PPARA: variants seen among roughly 807,000 people sequenced by gnomAD.
PPARA encodes the protein peroxisome proliferator activated receptor alpha.
Under a neutral mutation model 42.2 loss-of-function variants are expected in PPARA, and 22 were observed. That is an observed-to-expected ratio of 0.52 (90% CI 0.37 to 0.74). PPARA has a LOEUF of 0.74. PPARA is among the 30% of genes least tolerant of loss of function. The pLI, the probability that PPARA is intolerant of heterozygous loss-of-function variation, is 0.00. For synonymous variants in PPARA, 242 were observed against 239.3 expected (o/e 1.01, Z -0.10); for missense variants, 465 against 608.2 (o/e 0.76, Z 2.48).
At chr22:46,209,179 C>G (rs892682272) in intron 4 of PPARA, among the ~76,000 whole-genome samples, 15 of 152,196 alleles carry the variant, frequency 9.9e-5, no homozygotes, top group African/African-American at 3.1e-4. Flanking sequence ...ATACTACCAA[C>G]AGTGGACATG....
In PPARA at chr22:46,163,524, AGGCTCCT is replaced by A. The variant is rs1202553770; in HGVS notation, c.-127+11559_-127+11565del. On this transcript the variant is annotated intron_variant, in intron 2 of 8. Coordinates refer to ENST00000407236, the MANE Select transcript of PPARA (RefSeq NM_005036.6). The surrounding 1 kb of genome is among the most constrained non-coding windows in gnomAD (Gnocchi z 4.9). ...CCACAGTCACATAAGCGGGAAGAGC[AGGCTCCT>A]GGCTGTGGCGAGCTTGACTCCATTT... 3 of 152,256 alleles carry A rather than the reference AGGCTCCT, an allele frequency of 2.0e-5. No individual in the cohort carries two copies. The highest frequency in any genetic ancestry group is 6.5e-5 in the Admixed American group (1 of 15,278). 9.4% of individuals were successfully genotyped at this position (152,256 alleles called of 1,614,324 possible).
At chr22:46,177,063 T>C (rs945362739) in intron 3 of PPARA, among the ~76,000 whole-genome samples, 13 of 152,018 alleles carry the variant, frequency 8.6e-5, no homozygotes, top group African/African-American at 2.9e-4. Context: ...ACAAAAAAAT[T>C]AGCCGGGCAT....
chr22:46,195,059 C>T lies in PPARA; in HGVS notation c.-42-3283C>T, dbSNP rs974262068. Among the ~76,000 whole-genome samples, 2 of 150,688 alleles carry T rather than the reference C, an allele frequency of 1.3e-5. No homozygotes were observed. Among genetic ancestry groups the T allele is most frequent in the East Asian group, 2.0e-4 (1 of 5,092 alleles). On this transcript the variant is annotated intron_variant, in intron 3 of 8. Transcript: ENST00000407236. The surrounding 1 kb of genome is among the most constrained non-coding windows in gnomAD (Gnocchi z 4.6). ...CTGGGATTACAGGCGCCTACCACCA[C>T]GCCCGGCTAATTTTTGTATTTTTAG... is the stretch of plus-strand genomic sequence containing the variant.
chr22:46,215,211 T>A lies in PPARA; in HGVS notation c.247T>A (p.Tyr83Asn). ...AGCTTCGAGCCCCTCCTCGGTGACTTATCCTGTGGTCCCCGGCAGCGTGGA... is the reference window on the plus strand; with the variant it reads ...AGCTTCGAGCCCCTCCTCGGTGACTAATCCTGTGGTCCCCGGCAGCGTGGA... ...SPASSPSSVT[Y>N]PVVPGSVDES... Residue 83 changes from tyrosine to asparagine, a missense_variant, in exon 5 of 9, where the codon TAT (tyrosine) becomes AAT (asparagine). Transcript: ENST00000407236. 6.2e-7 allele frequency: 1 copy of A among 1,614,112 alleles called. No homozygotes were observed. Among genetic ancestry groups the A allele is most frequent in the Non-Finnish European group, 8.5e-7 (1 of 1,180,026 alleles).
At chr22:46,215,106 T>C (rs1934349552) in intron 4 of PPARA, 67 bp from the exon 5 acceptor site, 14 of 1,576,956 alleles carry the variant, frequency 8.9e-6, no homozygotes, top group South Asian at 6.7e-5. Context: ...CACATCCTCA[T>C]AGACCCGGTT....
At position 46,234,486 on chromosome 22, in the gene PPARA, A is replaced by G. The variant is rs1228328281; in HGVS notation, c.1160-647A>G. Among the ~76,000 whole-genome samples the G allele has an allele frequency of 1.3e-5, 2 of 152,046 alleles. No homozygotes were observed. The highest frequency in any genetic ancestry group is 2.9e-5 in the Non-Finnish European group (2 of 67,994). On this transcript the variant is annotated intron_variant, in intron 8 of 8. Transcript: ENST00000407236. This position sits in a 1 kb window ranked among gnomAD's most constrained non-coding sequence, Gnocchi z 5.8. The stretch of plus-strand genomic sequence containing the variant: ...ATGTCTAGTGCCAGCTACCCCAGGC[A>G]GGTCATCTGGTGTGAATGTTGACTC...
Position 46,232,262 on chromosome 22 carries a change from T to C in PPARA, c.1159+23T>C. 6.2e-7 allele frequency: 1 copy of C among 1,610,254 alleles called. No homozygotes were observed. Among genetic ancestry groups the C allele is most frequent in the East Asian group, 2.2e-5 (1 of 44,854 alleles). ...GAGGTGAGTGGTTGATTTAATCTGC[T>C]GGTATCATGTCACTGACAGGCTCCT... is the stretch of plus-strand genomic sequence containing the variant. On this transcript the variant is annotated intron_variant, in intron 8 of 8. Transcript: ENST00000407236. This position sits in a 1 kb window ranked among gnomAD's most constrained non-coding sequence, Gnocchi z 5.3.
Position 46,227,156 on chromosome 22 carries a change from T to TTTTTTTTTTTTTTTTTTGAGACGGA in PPARA, c.712-4636_712-4635insTTTTTTTTTTTTTTTTTGAGACGGA, listed in dbSNP as rs1555959744. On this transcript the variant is annotated intron_variant, in intron 7 of 8. Coordinates refer to ENST00000407236, the MANE Select transcript of PPARA (RefSeq NM_005036.6). This position sits in a 1 kb window ranked among gnomAD's most constrained non-coding sequence, Gnocchi z 4.3. ...ATTAAAAAATGTGCTTCATATTTTATGCCATTTCTACAAATGTATAGTAAA... is the reference window on the plus strand; with the variant it reads ...ATTAAAAAATGTGCTTCATATTTTATTTTTTTTTTTTTTTTTTGAGACGGAGCCATTTCTACAAATGTATAGTAAA... Among the ~76,000 whole-genome samples, 1 of 147,954 alleles carries TTTTTTTTTTTTTTTTTTGAGACGGA rather than the reference T, an allele frequency of 6.8e-6. No homozygotes were observed. The highest frequency in any genetic ancestry group is 2.6e-5 in the African/African-American group (1 of 39,006).
chr22:46,178,435 A>C (rs1003513148), intron 3 of PPARA, among the ~76,000 whole-genome samples: 13 of 152,214 alleles, frequency 8.5e-5, no homozygotes, highest in African/African-American at 2.9e-4. Flanking sequence ...TTGTAAGACA[A>C]GGTGAGAGGT....
chr22:46,191,942 G>A lies in PPARA; in HGVS notation c.-42-6400G>A, dbSNP rs185127253. The stretch of plus-strand genomic sequence containing the variant: ...TAGCCGGGCGTGGTGGCGCACGCCC[G>A]TAGTCCCAGCTACTCAGGAGGCTGA... On this transcript the variant is annotated intron_variant, in intron 3 of 8. Coordinates refer to ENST00000407236, the MANE Select transcript of PPARA (RefSeq NM_005036.6). The surrounding 1 kb of genome is among the most constrained non-coding windows in gnomAD (Gnocchi z 4.6). Among the ~76,000 whole-genome samples the A allele has an allele frequency of 9.8e-5, 15 of 152,308 alleles. No individual in the cohort carries two copies. The highest frequency in any genetic ancestry group is 7.7e-4 in the East Asian group (4 of 5,180).
In PPARA at chr22:46,231,850, A is replaced by C. The variant is rs571930753; in HGVS notation, c.770A>C (p.Lys257Thr). The change falls in exon 8 of 9, where the codon AAG (lysine) becomes ACG (threonine). Residue 257 changes from lysine (K) to threonine (T), a missense_variant. This residue lies in a region of PPARA where 313 missense variants were observed against 469.1 expected (regional missense o/e 0.67). Coordinates refer to ENST00000407236, the MANE Select transcript of PPARA (RefSeq NM_005036.6). The surrounding 1 kb of genome is among the most constrained non-coding windows in gnomAD (Gnocchi z 7.7). ...ATGGCTGAGAAGACGCTGGTGGCCA[A>C]GCTGGTGGCCAATGGCATCCAGAAC... ...LCMAEKTLVA[K>T]LVANGIQNKE... 50 of 1,614,092 alleles carry C rather than the reference A, an allele frequency of 3.1e-5. No homozygotes were observed. The South Asian group carries it at 5.2e-4, about 17-fold the overall frequency.
In PPARA at chr22:46,188,039, G is replaced by A. The variant is rs186244387; in HGVS notation, c.-42-10303G>A. Among the ~76,000 whole-genome samples the A allele has an allele frequency of 6.6e-5, 10 of 152,280 alleles. No individual in the cohort carries two copies. The highest frequency in any genetic ancestry group is 2.4e-4 in the African/African-American group (10 of 41,558). On this transcript the variant is annotated intron_variant, in intron 3 of 8. Transcript: ENST00000407236. This position sits in a 1 kb window ranked among gnomAD's most constrained non-coding sequence, Gnocchi z 5.0. The stretch of plus-strand genomic sequence containing the variant: ...GACTTCATGGTGAGAAATACCTAGC[G>A]AACAGCCTGGCACCAGCTACCAGGC...
chr22:46,191,806 G>A lies in PPARA; in HGVS notation c.-42-6536G>A, dbSNP rs1026369724. On this transcript the variant is annotated intron_variant, in intron 3 of 8. Transcript: ENST00000407236. This position sits in a 1 kb window ranked among gnomAD's most constrained non-coding sequence, Gnocchi z 4.6. ...ATTGAGGCCAGGCGCGGTGGCTCAT[G>A]CCTGTAATCCCAGCACTTTGGGAGG... 2.0e-5 allele frequency among the ~76,000 whole-genome samples: 3 copies of A among 152,216 alleles called. No individual in the cohort carries two copies. Among genetic ancestry groups the A allele is most frequent in the Admixed American group, 2.0e-4 (3 of 15,280 alleles).
In PPARA at chr22:46,233,387, C is replaced by T. The variant is rs551254082; in HGVS notation, c.1159+1148C>T. Among the ~76,000 whole-genome samples the T allele has an allele frequency of 2.4e-4, 36 of 152,252 alleles. No individual in the cohort carries two copies. The highest frequency in any genetic ancestry group is 8.4e-4 in the African/African-American group (35 of 41,522). On this transcript the variant is annotated intron_variant, in intron 8 of 8. Coordinates refer to ENST00000407236, the MANE Select transcript of PPARA (RefSeq NM_005036.6). The surrounding 1 kb of genome is among the most constrained non-coding windows in gnomAD (Gnocchi z 7.3). ...AGCCCCATCTCAGGTCTAGGAAGGT[C>T]ATCCACCTACTGCAAACTCGGCTGA...
chr22:46,240,282 A>C lies in PPARA; in HGVS notation c.*4902A>C, dbSNP rs1936337808. 1 of 398,684 alleles carries C rather than the reference A, an allele frequency of 2.5e-6. No homozygotes were observed. Among genetic ancestry groups the C allele is most frequent in the African/African-American group, 2.1e-5 (1 of 48,750 alleles). 24.7% of individuals were successfully genotyped at this position (398,684 alleles called of 1,614,324 possible). On this transcript the variant is annotated 3_prime_UTR_variant, in exon 9 of 9. Coordinates refer to ENST00000407236, the MANE Select transcript of PPARA (RefSeq NM_005036.6). This position sits in a 1 kb window ranked among gnomAD's most constrained non-coding sequence, Gnocchi z 6.0. ...GCAAATCAGCCTCCATTTTAAAATG[A>C]AAACACCAGCCTCCAGATGTAGGGC...
chr22:46,220,068 A>G (rs759524565), intron 7 of PPARA, 54 bp downstream of exon 7: 142 of 1,578,396 alleles, frequency 9.0e-5, no homozygotes, highest in Non-Finnish European at 1.2e-4. Flanking sequence ...CCAGTGTCGT[A>G]GAGGACGATT....
At position 46,187,129 on chromosome 22, in the gene PPARA, C is replaced by T. The variant is rs904657699; in HGVS notation, c.-43+10293C>T. On this transcript the variant is annotated intron_variant, in intron 3 of 8. Coordinates refer to ENST00000407236, the MANE Select transcript of PPARA (RefSeq NM_005036.6). The surrounding 1 kb of genome is among the most constrained non-coding windows in gnomAD (Gnocchi z 4.9). ...CCCTGAGGTTGGCCTTGCAGCCTCT[C>T]TAGGCACTGCTGCTGCTGCTAAGAA... Among the ~76,000 whole-genome samples, 6 of 152,174 alleles carry T rather than the reference C, an allele frequency of 3.9e-5. No homozygotes were observed. Among genetic ancestry groups the T allele is most frequent in the African/African-American group, 1.4e-4 (6 of 41,436 alleles).
In PPARA at chr22:46,230,673, C is replaced by T. The variant is rs142888886; in HGVS notation, c.712-1119C>T. Among the ~76,000 whole-genome samples, 23 of 152,286 alleles carry T rather than the reference C, an allele frequency of 1.5e-4. No homozygotes were observed. The highest frequency in any genetic ancestry group is 5.1e-4 in the African/African-American group (21 of 41,566). ...AGATGGCATGGGAGCACACAAGGCA[C>T]GGCTGTGGGGAGTTGGCACTTGCTC... On this transcript the variant is annotated intron_variant, in intron 7 of 8. Coordinates refer to ENST00000407236, the MANE Select transcript of PPARA (RefSeq NM_005036.6). The surrounding 1 kb of genome is among the most constrained non-coding windows in gnomAD (Gnocchi z 5.0).
Position 46,198,367 on chromosome 22 carries a change from A to G in PPARA, c.-17A>G, listed in dbSNP as rs775322558. ...TAGCTTGGAGCTCGGCGGCACAACC[A>G]GCACCATCTGGTCGCGATGGTGGAC... is the stretch of plus-strand genomic sequence containing the variant. On this transcript the variant is annotated 5_prime_UTR_variant, in exon 4 of 9. Transcript: ENST00000407236. 2.5e-5 allele frequency: 41 copies of G among 1,612,536 alleles called. No homozygotes were observed. Among genetic ancestry groups the G allele is most frequent in the Non-Finnish European group, 1.0e-5 (12 of 1,178,922 alleles).
Sources: gnomAD v4.1 joint callset for allele counts (sites outside exome capture counted in the v4.1 genomes callset) on GRCh38, gnomAD v4.1.1 for gene constraint, gnomAD v4.1.1 regional missense constraint, Gnocchi (gnomAD v3.1) non-coding constraint, MANE v1.5 for transcripts, NCBI Gene and HGNC (gene_info 2026-07-23, HGNC 2026-07-21) for gene names.